Variants in SPATA16 observed in about 807,000 individuals in gnomAD.
SPATA16 encodes spermatogenesis associated 16, also known as spermatogenesis-associated protein 16.
A neutral mutation model predicts 63.3 loss-of-function variants in SPATA16; 36 were observed. The ratio of observed to expected loss-of-function variants is 0.57; its 90% confidence interval spans 0.44 to 0.75. SPATA16 has a LOEUF of 0.75. Ranked by LOEUF, SPATA16 falls within the 30% of genes least tolerant of loss-of-function variation. The pLI, the probability that SPATA16 is intolerant of heterozygous loss-of-function variation, is 0.00. For missense variants in SPATA16, 646 were observed against 679.3 expected (o/e 0.95, Z 0.54); for synonymous variants, 203 against 216.7 (o/e 0.94, Z 0.56).
chr3:173,090,470 A>G (rs1737195039), intron 2 of SPATA16, among the ~76,000 whole-genome samples: 1 of 152,194 alleles, frequency 6.6e-6, no homozygotes, highest in African/African-American at 2.4e-5. Flanking sequence ...GAATGATGCT[A>G]AAGTCTTACA....
In SPATA16 at chr3:172,924,219, TGC is replaced by T; in HGVS notation, c.1325_1326del (p.Ser442AsnfsTer37). 1 of 1,611,864 alleles carries T rather than the reference TGC, an allele frequency of 6.2e-7. No homozygotes were observed. Among genetic ancestry groups the T allele is most frequent in the South Asian group, 1.1e-5 (1 of 91,054 alleles). ...ACTCATATACCTACATTCAATTGGG[TGC>T]TTCTAATAAAATCCAATATTGGCAA... ...RILPILDFIRSTQLNGSFPAS... is the reference protein window; with the variant it reads ...RILPILDFIRXTQLNGSFPAS... On this transcript the variant is annotated frameshift_variant, in exon 8 of 11. Coordinates refer to ENST00000351008, the MANE Select transcript of SPATA16 (RefSeq NM_031955.6). LOFTEE classifies it high-confidence loss of function.
At chr3:172,982,674 GTTA>G (rs1438463270) in intron 4 of SPATA16, among the ~76,000 whole-genome samples, 1 of 151,036 alleles carries the variant, frequency 6.6e-6, no homozygotes, top group Non-Finnish European at 1.5e-5. Context: ...AATGTGACAT[GTTA>G]TTATTCATCA....
chr3:173,012,797 A>G (rs888916887), intron 4 of SPATA16, among the ~76,000 whole-genome samples: 1 of 152,234 alleles, frequency 6.6e-6, no homozygotes, highest in African/African-American at 2.4e-5. Context: ...TTAAAGATTT[A>G]AATATAAAAC....
intron 6 of SPATA16, among the ~76,000 whole-genome samples, chr3:172,945,339 G>A (rs1733254986): frequency 6.6e-6 from 1 of 152,188 alleles, no homozygotes; most frequent in African/African-American, 2.4e-5. Context: ...AGGAGGCAGA[G>A]CAAGATGTCC....
At chr3:172,931,952 C>T (rs1440340876) in intron 6 of SPATA16, among the ~76,000 whole-genome samples, 2 of 152,066 alleles carry the variant, frequency 1.3e-5, no homozygotes, top group Non-Finnish European at 2.9e-5. Context: ...AACTCAGTCA[C>T]AAAAGATTGG....
At chr3:172,984,034 T>C (rs538013188) in intron 4 of SPATA16, among the ~76,000 whole-genome samples, 1 of 151,838 alleles carries the variant, frequency 6.6e-6, no homozygotes, top group South Asian at 2.1e-4. Context: ...TCATTACCTG[T>C]GTTTACTTGC....
intron 6 of SPATA16, among the ~76,000 whole-genome samples, chr3:172,950,813 A>G (rs1733412484): frequency 6.6e-6 from 1 of 152,030 alleles, no homozygotes; most frequent in African/African-American, 2.4e-5. Flanking sequence ...ACAAAATATG[A>G]CTCTATCCAC....
chr3:172,894,347 T>C (rs1468572054), intron 10 of SPATA16, among the ~76,000 whole-genome samples: 1 of 152,146 alleles, frequency 6.6e-6, no homozygotes, highest in African/African-American at 2.4e-5. Context: ...TTCCTTTAGC[T>C]TTTGGCTAGT....
intron 4 of SPATA16, among the ~76,000 whole-genome samples, chr3:173,001,268 GT>G (rs776040026): frequency 6.0e-4 from 83 of 137,482 alleles, no homozygotes; most frequent in Admixed American, 8.7e-4. Flanking sequence ...CTTCTCAGTT[GT>G]TTTTTTTTTT....
rs1010030085 is a variant in SPATA16, at chr3:173,068,573, A to G, written c.613-19479T>C. 1.8e-4 allele frequency among the ~76,000 whole-genome samples: 27 copies of G among 152,160 alleles called. 1 individual carries two copies. Among genetic ancestry groups the G allele is most frequent in the Admixed American group, 6.5e-5 (1 of 15,282 alleles). ...AATACAAACAAATGGAAATTAAACA[A>G]TATGCTCCTGAATGACCAGGGGGTT... On this transcript the variant is annotated intron_variant, in intron 2 of 10. Transcript: ENST00000351008.
At chr3:173,048,910 G>T in intron 3 of SPATA16, 39 bp downstream of exon 3, 1 of 1,612,148 alleles carries the variant, frequency 6.2e-7, no homozygotes, top group Non-Finnish European at 8.5e-7. Flanking sequence ...CCACTAGCAT[G>T]AACAGCATTT....
At chr3:173,134,218 G>A (rs940531732) in intron 1 of SPATA16, among the ~76,000 whole-genome samples, 1 of 152,150 alleles carries the variant, frequency 6.6e-6, no homozygotes, top group Non-Finnish European at 1.5e-5. Flanking sequence ...CACAATGGGG[G>A]TGCTGTGTCT....
At chr3:173,121,330 C>T (rs937666157) in intron 1 of SPATA16, among the ~76,000 whole-genome samples, 1 of 151,984 alleles carries the variant, frequency 6.6e-6, no homozygotes. Context: ...TTTACCACCT[C>T]GCTCAATGTG....
intron 2 of SPATA16, among the ~76,000 whole-genome samples, chr3:173,070,915 C>T (rs964006452): frequency 6.6e-6 from 1 of 152,152 alleles, no homozygotes; most frequent in Non-Finnish European, 1.5e-5. Context: ...TAATGGAATT[C>T]CTGTCAAAAT....
At chr3:173,013,427 T>C (rs896176424) in intron 4 of SPATA16, among the ~76,000 whole-genome samples, 1 of 152,210 alleles carries the variant, frequency 6.6e-6, no homozygotes, top group Non-Finnish European at 1.5e-5. Context: ...GGAGGATATC[T>C]TTATTATTGA....
At position 172,944,484 on chromosome 3, in the gene SPATA16, A is replaced by G. The variant is rs543032574; in HGVS notation, c.1081+12193T>C. Among the ~76,000 whole-genome samples the G allele has an allele frequency of 2.0e-4, 31 of 152,354 alleles. No individual in the cohort carries two copies. The South Asian group carries it at 6.2e-3, about 31-fold the overall frequency. Reference sequence around the variant, plus strand: ...AAAAAATTAAAAATAGATTTACCATATGATCCAGCAATTTATATGCCAAGA... The same window carrying G: ...AAAAAATTAAAAATAGATTTACCATGTGATCCAGCAATTTATATGCCAAGA... On this transcript the variant is annotated intron_variant, in intron 6 of 10. Coordinates refer to ENST00000351008, the MANE Select transcript of SPATA16 (RefSeq NM_031955.6).
At chr3:172,950,097 A>G (rs1355959618) in intron 6 of SPATA16, among the ~76,000 whole-genome samples, 1 of 152,182 alleles carries the variant, frequency 6.6e-6, no homozygotes, top group Non-Finnish European at 1.5e-5. Context: ...GTTTCTTTAA[A>G]TGCAACTTGT....
chr3:172,977,570 T>A (rs1374782914), intron 4 of SPATA16, among the ~76,000 whole-genome samples: 1 of 152,162 alleles, frequency 6.6e-6, no homozygotes, highest in Admixed American at 6.5e-5. Context: ...TCCCCACAGA[T>A]TTTTGTGTAA....
chr3:172,894,618 A>T (rs1168358066), intron 10 of SPATA16, among the ~76,000 whole-genome samples: 1 of 152,198 alleles, frequency 6.6e-6, no homozygotes, highest in Non-Finnish European at 1.5e-5. Context: ...AGTCCAGGAA[A>T]CTATGTGTTA....
Sources: gnomAD v4.1 joint callset for allele counts (sites outside exome capture counted in the v4.1 genomes callset) on GRCh38, gnomAD v4.1.1 for gene constraint, MANE v1.5 for transcripts, NCBI Gene and HGNC (gene_info 2026-07-23, HGNC 2026-07-21) for gene names.